The following DTNA variants were observed in gnomAD, a reference collection of about 807,000 sequenced individuals.
DTNA encodes the protein dystrobrevin alpha.
Under a neutral mutation model 100.7 loss-of-function variants are expected in DTNA, and 43 were observed. That is an observed-to-expected ratio of 0.43 (90% CI 0.33 to 0.55). The LOEUF (loss-of-function observed/expected upper bound fraction) is 0.55, where lower values mean the gene tolerates loss of function less well. Ranked by LOEUF, DTNA falls within the 20% of genes least tolerant of loss-of-function variation. The probability of loss-of-function intolerance (pLI) is 0.04; values close to 1 mark genes in which losing one functional copy is unlikely to be tolerated. For synonymous variants in DTNA, 349 were observed against 347.9 expected (o/e 1.00, Z -0.04); for missense variants, 798 against 953.9 (o/e 0.84, Z 2.15).
At position 34,890,423 on chromosome 18, in the gene DTNA, T is replaced by C; in HGVS notation, c.*2689T>C. The stretch of plus-strand genomic sequence containing the variant: ...TCTTTCCTTGGCTCTCCAGATTTAC[T>C]TTTGGGGCCTGTTCTAAGTGCAAAC... On this transcript the variant is annotated 3_prime_UTR_variant, in exon 23 of 23. Coordinates refer to ENST00000444659, the MANE Select transcript of DTNA (RefSeq NM_001386795.1). The C allele has an allele frequency of 6.5e-7, 1 of 1,536,142 alleles. No individual in the cohort carries two copies. Among genetic ancestry groups the C allele is most frequent in the Non-Finnish European group, 8.7e-7 (1 of 1,146,914 alleles).
At chr18:34,693,902 A>G (rs1304752641) in intron 1 of DTNA, among the ~76,000 whole-genome samples, 2 of 152,296 alleles carry the variant, frequency 1.3e-5, no homozygotes, top group Admixed American at 1.3e-4. Context: ...GAACATATTT[A>G]TATTTACTTT....
intron 1 of DTNA, among the ~76,000 whole-genome samples, chr18:34,716,309 C>A (rs2084057667): frequency 1.3e-5 from 2 of 152,264 alleles, no homozygotes; most frequent in East Asian, 1.9e-4. Flanking sequence ...CACCTGTTAT[C>A]CCAACACTTT....
At chr18:34,833,041 A>G (rs1602960844) in intron 11 of DTNA, among the ~76,000 whole-genome samples, 1 of 152,180 alleles carries the variant, frequency 6.6e-6, no homozygotes, top group African/African-American at 2.4e-5. Context: ...TATTTCAAAT[A>G]TTGTTTTTCT....
intron 11 of DTNA, among the ~76,000 whole-genome samples, chr18:34,834,519 G>A (rs934578824): frequency 2.0e-5 from 3 of 151,864 alleles, no homozygotes; most frequent in Non-Finnish European, 4.4e-5. Context: ...AAAAAAAGAG[G>A]TTTATTTGGC....
intron 4 of DTNA, among the ~76,000 whole-genome samples, chr18:34,795,202 G>A (rs1037916813): frequency 6.6e-6 from 1 of 152,142 alleles, no homozygotes; most frequent in East Asian, 1.9e-4. Flanking sequence ...TCTGGCCAAT[G>A]CCTGGAAGTA....
chr18:34,858,955 A>G (rs1046162556), intron 16 of DTNA, among the ~76,000 whole-genome samples: 1 of 152,226 alleles, frequency 6.6e-6, no homozygotes, highest in Non-Finnish European at 1.5e-5. Context: ...ACTAGGAACA[A>G]TTTAAACATA....
chr18:34,638,704 AATATG>A lies in DTNA; in HGVS notation c.-1-117268_-1-117264del, dbSNP rs541418198. ...GATTGCTGAATTCATAAATTAGAAA[AATATG>A]ATACTCATGCCCACAATGAAAGCAA... On this transcript the variant is annotated intron_variant, in intron 1 of 19. Coordinates refer to the DTNA transcript ENST00000283365. Among the ~76,000 whole-genome samples the A allele has an allele frequency of 3.0e-4, 45 of 152,356 alleles. 1 individual carries two copies. The South Asian group carries it at 9.3e-3, about 32-fold the overall frequency.
chr18:34,794,029 A>C lies in DTNA; in HGVS notation c.149-8A>C. The C allele has an allele frequency of 6.2e-7, 1 of 1,613,382 alleles. No homozygotes were observed. The highest frequency in any genetic ancestry group is 8.5e-7 in the Non-Finnish European group (1 of 1,179,680). The stretch of plus-strand genomic sequence containing the variant: ...TGGGCTGATGTGTTAACTCTGCTTT[A>C]ATTGTAGTGCACCTGGTGGACATAT... On this transcript the variant is annotated splice_region_variant and splice_polypyrimidine_tract_variant and intron_variant, in intron 3 of 22. Coordinates refer to ENST00000444659, the MANE Select transcript of DTNA (RefSeq NM_001386795.1).
intron 1 of DTNA, among the ~76,000 whole-genome samples, chr18:34,511,402 A>G (rs1031458097): frequency 5.3e-5 from 8 of 152,092 alleles, no homozygotes; most frequent in African/African-American, 1.7e-4. Flanking sequence ...AAGTGATCCT[A>G]TGTAACTTGT....
intron 1 of DTNA, among the ~76,000 whole-genome samples, chr18:34,537,783 A>G (rs1231991202): frequency 6.6e-6 from 1 of 152,000 alleles, no homozygotes; most frequent in Non-Finnish European, 1.5e-5. Context: ...AATGGAGGAA[A>G]TGTGTAGTAA....
chr18:34,841,901 A>G (rs757652406), intron 13 of DTNA, among the ~76,000 whole-genome samples: 2 of 152,212 alleles, frequency 1.3e-5, no homozygotes, highest in Non-Finnish European at 2.9e-5. Context: ...TATTTGTAAT[A>G]GTTTGCTGCT....
intron 1 of DTNA, among the ~76,000 whole-genome samples, chr18:34,519,734 T>C (rs945817484): frequency 1.3e-5 from 2 of 152,152 alleles, no homozygotes; most frequent in African/African-American, 4.8e-5. Context: ...AGCAAAGCAG[T>C]CTCCTCTTTA....
At chr18:34,695,001 A>G (rs1281784196) in intron 1 of DTNA, among the ~76,000 whole-genome samples, 2 of 152,076 alleles carry the variant, frequency 1.3e-5, no homozygotes, top group Admixed American at 1.3e-4. Flanking sequence ...GCATGCCACC[A>G]CCTGAATCCC....
intron 1 of DTNA, among the ~76,000 whole-genome samples, chr18:34,551,882 C>G (rs546651822): frequency 6.6e-6 from 1 of 152,142 alleles, no homozygotes; most frequent in African/African-American, 2.4e-5. Flanking sequence ...GTGATCTTGG[C>G]CTGTCTCTGC....
intron 1 of DTNA, among the ~76,000 whole-genome samples, chr18:34,616,948 T>C (rs1339135758): frequency 1.3e-5 from 2 of 152,176 alleles, no homozygotes; most frequent in African/African-American, 2.4e-5. Context: ...AATGAAGAAA[T>C]GCTACTGATT....
At chr18:34,767,145 A>G (rs1174571162) in intron 3 of DTNA, among the ~76,000 whole-genome samples, 3 of 152,222 alleles carry the variant, frequency 2.0e-5, no homozygotes, top group Non-Finnish European at 4.4e-5. Flanking sequence ...ATTTTTAAAA[A>G]TGAAAACCGT....
chr18:34,866,110 GGAA>G, intron 17 of DTNA: 1 of 1,614,088 alleles, frequency 6.2e-7, no homozygotes, highest in Admixed American at 1.7e-5. Context: ...TCTTTCTGTA[GGAA>G]GAAGAACTGA....
chr18:34,796,225 TC>T (rs1361050055), intron 4 of DTNA, among the ~76,000 whole-genome samples: 1 of 152,218 alleles, frequency 6.6e-6, no homozygotes, highest in Non-Finnish European at 1.5e-5. Context: ...GCATAGGCAG[TC>T]CTACTGACAC....
chr18:34,875,570 T>C (rs2096807263), intron 18 of DTNA, among the ~76,000 whole-genome samples, 172 bp downstream of exon 18: 1 of 152,198 alleles, frequency 6.6e-6, no homozygotes, highest in Non-Finnish European at 1.5e-5. Context: ...CACCAATTTG[T>C]TCTCACTTCA....
Sources: gnomAD v4.1 joint callset for allele counts (sites outside exome capture counted in the v4.1 genomes callset) on GRCh38, gnomAD v4.1.1 for gene constraint, MANE v1.5 for transcripts, NCBI Gene and HGNC (gene_info 2026-07-23, HGNC 2026-07-21) for gene names.